CRYM: variants seen among roughly 807,000 people sequenced by gnomAD.
The protein encoded by CRYM is crystallin mu.
A neutral mutation model predicts 32.9 loss-of-function variants in CRYM; 18 were observed. That is an observed-to-expected ratio of 0.55 (90% CI 0.38 to 0.81). The LOEUF is 0.81. CRYM is among the 30% of genes least tolerant of loss of function. The pLI is 0.00. For missense variants in CRYM, 337 were observed against 393.5 expected (o/e 0.86, Z 1.21); for synonymous variants, 153 against 152.4 (o/e 1.00, Z -0.03).
intron 1 of CRYM, among the ~76,000 whole-genome samples, chr16:21,290,270 T>C (rs945228397): frequency 3.9e-5 from 6 of 152,154 alleles, no homozygotes; most frequent in Non-Finnish European, 8.8e-5. Flanking sequence ...ACCACGAAGG[T>C]TGTAGGCTTC....
chr16:21,263,925 T>G (rs1033302188), intron 5 of CRYM, among the ~76,000 whole-genome samples: 1 of 152,246 alleles, frequency 6.6e-6, no homozygotes, highest in Non-Finnish European at 1.5e-5. Context: ...TATGCCCCAG[T>G]TGTTTTCTTA....
intron 1 of CRYM, among the ~76,000 whole-genome samples, chr16:21,296,816 C>T (rs1960797747): frequency 1.3e-5 from 2 of 151,722 alleles, no homozygotes; most frequent in Non-Finnish European, 2.9e-5. Context: ...CGAGACCATC[C>T]TGGCTAACAC....
rs10726 is a variant in CRYM, at chr16:21,258,690, T to C, written c.*91A>G. 2.6e-5 allele frequency: 28 copies of C among 1,070,220 alleles called. No homozygotes were observed. The highest frequency in any genetic ancestry group is 3.8e-5 in the Non-Finnish European group (26 of 688,014). 66.3% of individuals were successfully genotyped at this position (1,070,220 alleles called of 1,614,324 possible). On this transcript the variant is annotated 3_prime_UTR_variant, in exon 8 of 8. Coordinates refer to ENST00000572914, the MANE Select transcript of CRYM (RefSeq NM_001376256.1). ...TGATAAGCACAAAAGGAGAGTTCACTGGGGACTGGACTCCCTCATTTACTC... is the reference window on the plus strand; with the variant it reads ...TGATAAGCACAAAAGGAGAGTTCACCGGGGACTGGACTCCCTCATTTACTC...
chr16:21,275,924 G>C (rs900426776), intron 2 of CRYM, among the ~76,000 whole-genome samples: 2 of 152,134 alleles, frequency 1.3e-5, no homozygotes, highest in Non-Finnish European at 2.9e-5. Flanking sequence ...TCTTGCCCTA[G>C]GATTCTCAAA....
At chr16:21,262,756 C>T (rs1000063085) in intron 5 of CRYM, among the ~76,000 whole-genome samples, 2 of 152,156 alleles carry the variant, frequency 1.3e-5, no homozygotes, top group African/African-American at 4.8e-5. Flanking sequence ...ATGTTTTGCA[C>T]GTACTATTTA....
chr16:21,280,623 C>T (rs947754556), upstream of CRYM, among the ~76,000 whole-genome samples: 2 of 152,062 alleles, frequency 1.3e-5, no homozygotes, highest in Non-Finnish European at 2.9e-5. Flanking sequence ...TGTGGCAATA[C>T]GATAACAAAT....
At chr16:21,269,766 T>TAC in intron 4 of CRYM, 24 bp downstream of exon 4, 1 of 690,476 alleles carries the variant, frequency 1.4e-6, no homozygotes, top group Non-Finnish European at 2.6e-6. Context: ...CCCTCTTCTC[T>TAC]CCCACCCCCA....
chr16:21,278,453 G>A, upstream of CRYM: 1 of 622,866 alleles, frequency 1.6e-6, no homozygotes, highest in Non-Finnish European at 2.8e-6. Context: ...GGGCGAGATG[G>A]GTCCCTTCCA....
chr16:21,288,735 A>T (rs1009869703), intron 1 of CRYM, among the ~76,000 whole-genome samples: 3 of 152,190 alleles, frequency 2.0e-5, no homozygotes, highest in African/African-American at 7.2e-5. Context: ...TAAATGTAAG[A>T]ATAAATGTGA....
chr16:21,288,260 G>GT (rs2093410652), intron 1 of CRYM, among the ~76,000 whole-genome samples: 2 of 152,106 alleles, frequency 1.3e-5, no homozygotes, highest in African/African-American at 4.8e-5. Flanking sequence ...TTGCTGAGAG[G>GT]TTTTTAGTTA....
At chr16:21,292,582 T>G (rs886785613) in intron 1 of CRYM, among the ~76,000 whole-genome samples, 5 of 152,200 alleles carry the variant, frequency 3.3e-5, no homozygotes, top group African/African-American at 1.2e-4. Flanking sequence ...TTCTAAAATT[T>G]ATATGGAAAT....
chr16:21,286,999 A>C (rs557461754), intron 1 of CRYM, among the ~76,000 whole-genome samples: 1 of 152,146 alleles, frequency 6.6e-6, no homozygotes, highest in South Asian at 2.1e-4. Flanking sequence ...CTGAGGCAGG[A>C]GAATGGCGTG....
rs1444515408 is a variant in CRYM at position 21,278,086 on chromosome 16, T to C, written c.166A>G (p.Arg56Gly). ...VRTVVPVTKH[R>G]GYLGVMPAYS... is the part of the protein sequence containing the mutation. The stretch of plus-strand genomic sequence containing the variant: ...ACCCCGACCCTCCTCACTCACCCCC[T>C]GTGCTTGGTCACCGGCACCACGGTG... Residue 56 changes from arginine to glycine, a missense_variant, in exon 1 of 8, where the codon AGG becomes GGG. Coordinates refer to ENST00000572914, the MANE Select transcript of CRYM (RefSeq NM_001376256.1). The C allele has an allele frequency of 6.5e-7, 1 of 1,544,620 alleles. No individual in the cohort carries two copies. Among genetic ancestry groups the C allele is most frequent in the Non-Finnish European group, 8.7e-7 (1 of 1,146,604 alleles).
At chr16:21,296,785 C>T (rs972228726) in intron 1 of CRYM, among the ~76,000 whole-genome samples, 8 of 148,520 alleles carry the variant, frequency 5.4e-5, no homozygotes, top group African/African-American at 1.2e-4. Flanking sequence ...CTGAGGCGGG[C>T]GGATCATGAG....
chr16:21,260,457 G>A (rs1367500384), intron 7 of CRYM, among the ~76,000 whole-genome samples: 5 of 152,168 alleles, frequency 3.3e-5, no homozygotes, highest in East Asian at 3.9e-4. Context: ...GCACCACCAC[G>A]CCTGGCTAAT....
intron 1 of CRYM, chr16:21,300,845 A>G (rs1381294004): frequency 6.6e-6 from 1 of 152,410 alleles, no homozygotes; most frequent in African/African-American, 2.4e-5. Context: ...GCCACACTGG[A>G]TGCGAGAATT....
intron 6 of CRYM, 176 bp from the exon 7 acceptor site, chr16:21,261,514 G>A (rs554844520): frequency 3.2e-5 from 20 of 630,226 alleles, no homozygotes; most frequent in African/African-American, 2.6e-4. Flanking sequence ...GGCTGGCCCC[G>A]AAATCCTTTT....
At chr16:21,265,676 G>A (rs1440804315) in intron 5 of CRYM, among the ~76,000 whole-genome samples, 2 of 152,330 alleles carry the variant, frequency 1.3e-5, no homozygotes, top group Middle Eastern at 3.4e-3. Context: ...ATGTATGATT[G>A]AATGCGTCAT....
At chr16:21,280,426 C>T (rs892659307), upstream of CRYM, among the ~76,000 whole-genome samples, 5 of 152,006 alleles carry the variant, frequency 3.3e-5, no homozygotes. Context: ...CCTATGCCCC[C>T]CACCTACTGA....
Sources: allele counts gnomAD v4.1 joint callset (sites outside exome capture counted in the v4.1 genomes callset), GRCh38; gene constraint gnomAD v4.1.1; transcripts MANE v1.5; gene names NCBI Gene and HGNC (gene_info 2026-07-23, HGNC 2026-07-21).